Variants in ENTREP2 observed in about 807,000 individuals in gnomAD.
ENTREP2 encodes the protein protein ENTREP2.
chr15:29,408,800 T>C, the ENTREP2 span, among the ~76,000 whole-genome samples: 2 of 152,216 alleles, frequency 1.3e-5, no homozygotes, highest in African/African-American at 4.8e-5. Flanking sequence ...AAAATAAGAA[T>C]GTTCAATCCA....
At chr15:29,613,855 C>T in the ENTREP2 span, 19 of 167,522 alleles carry the variant, frequency 1.1e-4, no homozygotes, top group Non-Finnish European at 1.3e-5. Context: ...TTGTGGAAGC[C>T]AGCTGTATAG....
chr15:29,432,045 T>C, the ENTREP2 span, among the ~76,000 whole-genome samples: 1 of 152,212 alleles, frequency 6.6e-6, no homozygotes, highest in African/African-American at 2.4e-5. Flanking sequence ...GCTCTCGGGC[T>C]GTAATAGGCC....
chr15:29,299,854 G>C, the ENTREP2 span, among the ~76,000 whole-genome samples: 2 of 151,834 alleles, frequency 1.3e-5, no homozygotes, highest in Admixed American at 1.3e-4. Context: ...AAATGGATGG[G>C]TAGGTAGATG....
At chr15:29,246,520 C>T in the ENTREP2 span, among the ~76,000 whole-genome samples, 1 of 151,166 alleles carries the variant, frequency 6.6e-6, no homozygotes, top group South Asian at 2.1e-4. Flanking sequence ...CATAGTGAAA[C>T]TCCATCTCTA....
At chr15:29,152,682 T>C in the ENTREP2 span, among the ~76,000 whole-genome samples, 2 of 152,208 alleles carry the variant, frequency 1.3e-5, no homozygotes, top group South Asian at 4.1e-4. Flanking sequence ...AACTGAAGAA[T>C]ATCTGGTTTT....
chr15:29,370,665 C>T, the ENTREP2 span, among the ~76,000 whole-genome samples: 3 of 151,958 alleles, frequency 2.0e-5, no homozygotes, highest in Non-Finnish European at 4.4e-5. Flanking sequence ...ATACCCCGGC[C>T]CTATGCCAAG....
the ENTREP2 span, among the ~76,000 whole-genome samples, chr15:29,388,288 C>A: frequency 6.6e-6 from 1 of 152,174 alleles, no homozygotes; most frequent in Non-Finnish European, 1.5e-5. Flanking sequence ...AAACAAACAA[C>A]CCTATCAACA....
At chr15:29,535,110 C>G in the ENTREP2 span, among the ~76,000 whole-genome samples, 1 of 151,952 alleles carries the variant, frequency 6.6e-6, no homozygotes, top group East Asian at 1.9e-4. Flanking sequence ...ACTAGCCGGG[C>G]ATGGTGGGGC....
At chr15:29,394,300 G>A in the ENTREP2 span, among the ~76,000 whole-genome samples, 3 of 152,076 alleles carry the variant, frequency 2.0e-5, no homozygotes, top group Middle Eastern at 3.2e-3. Flanking sequence ...AAATTTATCT[G>A]AAGGAAAAAT....
chr15:29,656,891 G>A, the ENTREP2 span, among the ~76,000 whole-genome samples: 5 of 152,146 alleles, frequency 3.3e-5, no homozygotes, highest in African/African-American at 1.2e-4. Context: ...ACAAAAACCT[G>A]TACACAAACG....
the ENTREP2 span, among the ~76,000 whole-genome samples, chr15:29,392,499 C>T: frequency 2.0e-5 from 3 of 152,142 alleles, no homozygotes; most frequent in Non-Finnish European, 4.4e-5. Flanking sequence ...TTGACAGTTG[C>T]ATCTCTCAAC....
chr15:29,459,272 G>T, the ENTREP2 span, among the ~76,000 whole-genome samples: 27 of 152,180 alleles, frequency 1.8e-4, no homozygotes, highest in African/African-American at 6.3e-4. Context: ...TTCAAAGATG[G>T]GGTGCAAGGA....
the ENTREP2 span, among the ~76,000 whole-genome samples, chr15:29,430,865 T>A: frequency 3.3e-5 from 5 of 152,126 alleles, no homozygotes; most frequent in South Asian, 1.0e-3. Flanking sequence ...AGAGGCAGTG[T>A]CCAATGAAAC....
chr15:29,200,048 TTCTC>T, the ENTREP2 span, among the ~76,000 whole-genome samples: 1 of 152,262 alleles, frequency 6.6e-6, no homozygotes, highest in Non-Finnish European at 1.5e-5. Flanking sequence ...TCTATCTGGA[TTCTC>T]TCTTTGTTCC....
the ENTREP2 span, among the ~76,000 whole-genome samples, chr15:29,464,832 T>C: frequency 6.6e-6 from 1 of 152,060 alleles, no homozygotes; most frequent in African/African-American, 2.4e-5. Flanking sequence ...ACGGGGAACT[T>C]GTTTAAAACA....
At chr15:29,241,150 T>C in the ENTREP2 span, among the ~76,000 whole-genome samples, 1 of 152,198 alleles carries the variant, frequency 6.6e-6, no homozygotes, top group Non-Finnish European at 1.5e-5. Flanking sequence ...CCTGACTATA[T>C]CTAAATTTAC....
At chr15:29,136,906 A>T in the ENTREP2 span, 1 of 835,920 alleles carries the variant, frequency 1.2e-6, no homozygotes, top group Non-Finnish European at 1.7e-6. Context: ...TATGTCTAAG[A>T]CCCTCTCCTT....
the ENTREP2 span, among the ~76,000 whole-genome samples, chr15:29,485,657 A>C: frequency 6.6e-6 from 1 of 152,104 alleles, no homozygotes; most frequent in African/African-American, 2.4e-5. Flanking sequence ...CAAACATCTC[A>C]ACAGCAAAGA....
At chr15:29,586,015 T>G in the ENTREP2 span, among the ~76,000 whole-genome samples, 3 of 152,072 alleles carry the variant, frequency 2.0e-5, no homozygotes, top group Non-Finnish European at 2.9e-5. Context: ...AAAACTAATA[T>G]ACAAATATTG....
Sources: allele counts gnomAD v4.1 joint callset (sites outside exome capture counted in the v4.1 genomes callset), GRCh38; gene constraint gnomAD v4.1.1; transcripts MANE v1.5; gene names NCBI Gene and HGNC (gene_info 2026-07-23, HGNC 2026-07-21).